Variants in CEP112 observed in about 807,000 individuals in gnomAD.
CEP112 encodes the protein centrosomal protein 112.
A neutral mutation model predicts 153.0 loss-of-function variants in CEP112; 127 were observed. That is an observed-to-expected ratio of 0.83 (90% CI 0.72 to 0.96). The LOEUF is 0.96. CEP112 is among the 40% of genes least tolerant of loss of function. The probability of loss-of-function intolerance (pLI) is 0.00; values close to 1 mark genes in which losing one functional copy is unlikely to be tolerated. For missense variants in CEP112, 1,089 were observed against 1,101.2 expected (o/e 0.99, Z 0.16); for synonymous variants, 358 against 374.4 (o/e 0.96, Z 0.51).
chr17:66,117,498 A>G (rs2069356679), intron 6 of CEP112, among the ~76,000 whole-genome samples: 1 of 152,226 alleles, frequency 6.6e-6, no homozygotes, highest in African/African-American at 2.4e-5. Flanking sequence ...TTTTAAATTT[A>G]AATTCCCTCT....
chr17:65,691,447 T>C (rs936367556), intron 23 of CEP112, among the ~76,000 whole-genome samples: 2 of 152,170 alleles, frequency 1.3e-5, no homozygotes, highest in East Asian at 1.9e-4. Flanking sequence ...AGGACATTCA[T>C]AGATTGCCTG....
chr17:65,690,679 G>A (rs2048066596), intron 23 of CEP112, among the ~76,000 whole-genome samples: 1 of 152,084 alleles, frequency 6.6e-6, no homozygotes, highest in Admixed American at 6.6e-5. Flanking sequence ...AATTTCCACA[G>A]GAAGAGCCTT....
At chr17:65,820,755 C>G (rs1442993132) in intron 21 of CEP112, among the ~76,000 whole-genome samples, 3 of 151,898 alleles carry the variant, frequency 2.0e-5, no homozygotes, top group Non-Finnish European at 4.4e-5. Context: ...AAATAACAGG[C>G]CTAAATTTAT....
chr17:65,999,436 C>T (rs2063926412), intron 17 of CEP112, among the ~76,000 whole-genome samples: 1 of 152,030 alleles, frequency 6.6e-6, no homozygotes, highest in Non-Finnish European at 1.5e-5. Context: ...CTCCTGACCT[C>T]GTGATTTGCC....
At chr17:65,926,268 T>C (rs1486917783) in intron 19 of CEP112, among the ~76,000 whole-genome samples, 1 of 152,228 alleles carries the variant, frequency 6.6e-6, no homozygotes, top group African/African-American at 2.4e-5. Context: ...ACTGGAATAC[T>C]ATTCCTCCAG....
chr17:66,038,393 T>C (rs922409200), intron 12 of CEP112, among the ~76,000 whole-genome samples: 9 of 136,146 alleles, frequency 6.6e-5, no homozygotes, highest in African/African-American at 2.6e-4. Flanking sequence ...ACTAATGTTC[T>C]ACACACAATT....
In CEP112 at chr17:65,786,290, T is replaced by C. The variant is rs541725300; in HGVS notation, c.2395-35566A>G. ...TATATCCTGCAACCTTGGTAAACTC[T>C]TATTTTTCAAACAGGTTTTTTTTTT... is the stretch of plus-strand genomic sequence containing the variant. On this transcript the variant is annotated intron_variant, in intron 21 of 26. Coordinates refer to ENST00000535342, the MANE Select transcript of CEP112 (RefSeq NM_001199165.4). 5.9e-5 allele frequency among the ~76,000 whole-genome samples: 9 copies of C among 152,220 alleles called. No homozygotes were observed. In the South Asian group the frequency reaches 1.9e-3, roughly 32 times the overall value.
At chr17:65,649,108 A>T (rs921890408) in intron 24 of CEP112, among the ~76,000 whole-genome samples, 2 of 105,586 alleles carry the variant, frequency 1.9e-5, no homozygotes, top group African/African-American at 6.5e-5. Flanking sequence ...ACACACACAC[A>T]CACACACACA....
intron 4 of CEP112, among the ~76,000 whole-genome samples, chr17:66,165,395 C>G (rs541441003): frequency 5.9e-5 from 9 of 152,268 alleles, no homozygotes; most frequent in Non-Finnish European, 1.0e-4. Flanking sequence ...TCAGAAAGTT[C>G]TATTGAACAG....
chr17:65,781,407 T>C (rs914635618), intron 21 of CEP112, among the ~76,000 whole-genome samples: 2 of 152,186 alleles, frequency 1.3e-5, no homozygotes, highest in African/African-American at 4.8e-5. Flanking sequence ...ATCATTAACA[T>C]GGCCATACTG....
intron 4 of CEP112, among the ~76,000 whole-genome samples, chr17:66,139,080 C>A (rs1047050880): frequency 1.3e-5 from 2 of 151,592 alleles, no homozygotes; most frequent in African/African-American, 4.8e-5. Context: ...AAAAAAAGAA[C>A]AAACTAAACT....
chr17:66,165,274 T>C (rs1249287422), intron 4 of CEP112, among the ~76,000 whole-genome samples: 4 of 152,082 alleles, frequency 2.6e-5, no homozygotes, highest in Non-Finnish European at 4.4e-5. Flanking sequence ...TTTAAGTTAA[T>C]TAAAATTAGA....
intron 19 of CEP112, chr17:65,913,911 T>C: frequency 1.0e-6 from 1 of 974,290 alleles, no homozygotes; most frequent in Non-Finnish European, 1.2e-6. Context: ...CTGTAGGTGA[T>C]GAGTGACAAT....
rs1378160172 is a variant in CEP112, at chr17:66,084,377, C to CT, written c.768+11873dup. ...TTGCACTCCCATGTTTATTGCAGCA[C>CT]TAATAACAATAGTGAAGATTTAGAA... is the stretch of plus-strand genomic sequence containing the variant. On this transcript the variant is annotated intron_variant, in intron 8 of 26. Transcript: ENST00000535342. Among the ~76,000 whole-genome samples the CT allele has an allele frequency of 2.6e-5, 4 of 152,138 alleles. No homozygotes were observed. The East Asian group carries it at 7.7e-4, about 29-fold the overall frequency.
intron 24 of CEP112, among the ~76,000 whole-genome samples, chr17:65,642,513 A>C (rs1411269276): frequency 1.3e-5 from 2 of 152,252 alleles, no homozygotes; most frequent in Admixed American, 1.3e-4. Flanking sequence ...ATTTTTGGCA[A>C]AGTGCTTTTT....
chr17:65,977,318 G>A (rs1389626784), intron 17 of CEP112, among the ~76,000 whole-genome samples: 9 of 152,118 alleles, frequency 5.9e-5, no homozygotes, highest in Admixed American at 5.9e-4. Flanking sequence ...AACGTTCCAG[G>A]TTTTCAGCTT....
intron 19 of CEP112, among the ~76,000 whole-genome samples, chr17:65,919,535 T>C (rs867421897): frequency 6.6e-6 from 1 of 152,148 alleles, no homozygotes; most frequent in African/African-American, 2.4e-5. Flanking sequence ...AGAGTCCTGA[T>C]ACAGGGAAAT....
At chr17:66,103,238 A>G (rs1424418890) in intron 6 of CEP112, among the ~76,000 whole-genome samples, 2 of 151,828 alleles carry the variant, frequency 1.3e-5, no homozygotes, top group Non-Finnish European at 2.9e-5. Context: ...AAAACAAACC[A>G]TGAAAAACTG....
intron 12 of CEP112, among the ~76,000 whole-genome samples, chr17:66,051,992 TAGCATAC>T (rs1474575604): frequency 6.6e-6 from 1 of 152,264 alleles, no homozygotes; most frequent in Non-Finnish European, 1.5e-5. Flanking sequence ...ACATTTACTT[TAGCATAC>T]AGATGGGCAA....
Sources: allele counts gnomAD v4.1 joint callset (sites outside exome capture counted in the v4.1 genomes callset), GRCh38; gene constraint gnomAD v4.1.1; transcripts MANE v1.5; gene names NCBI Gene and HGNC (gene_info 2026-07-23, HGNC 2026-07-21).